Variants in NBPF9 observed in about 807,000 individuals in gnomAD.
NBPF9 encodes NBPF member 9.
NBPF9 carries 91 observed loss-of-function variants against 97.8 expected under a neutral mutation model. The observed-to-expected ratio is 0.93, with a 90% CI of 0.79 to 1.11. The LOEUF is 1.11. Among genes scored for constraint, NBPF9 ranks in the 50% least tolerant of loss-of-function variants. NBPF9 has a pLI of 0.00. For synonymous variants in NBPF9, 334 were observed against 359.5 expected (o/e 0.93, Z 0.80); for missense variants, 992 against 939.5 (o/e 1.06, Z -0.73).
At chr1:149,086,975 T>C (rs1260124830) in intron 5 of NBPF9, among the ~76,000 whole-genome samples, 1 of 152,096 alleles carries the variant, frequency 6.6e-6, no homozygotes, top group African/African-American at 2.4e-5. Flanking sequence ...AAAGGAGCCA[T>C]ACCATTTTTC....
downstream of NBPF9, chr1:149,053,895 C>CACACAGACACACAA (rs2078045246): frequency 6.8e-6 from 1 of 146,110 alleles, no homozygotes; most frequent in Non-Finnish European, 1.5e-5. Flanking sequence ...CACAGACACA[C>CACACAGACACACAA]ACACAGACAC....
exon 11 of NBPF9, chr1:149,077,403 C>T (rs1553654808): frequency 6.2e-7 from 1 of 1,609,856 alleles, no homozygotes; most frequent in South Asian, 1.1e-5. Flanking sequence ...TTGCTCTCTT[C>T]AGCCTTCTGC....
exon 16 of NBPF9, chr1:149,071,021 T>A (rs782470334): frequency 3.7e-6 from 6 of 1,611,796 alleles, no homozygotes; most frequent in African/African-American, 1.3e-5. Context: ...TCAAATGTGA[T>A]TTTGGTTTTC....
At position 149,060,705 on chromosome 1, in the gene NBPF9, G is replaced by A. The variant is rs1365781688; in HGVS notation, c.2304-10C>T. On this transcript the variant is annotated splice_polypyrimidine_tract_variant and intron_variant, in intron 23 of 29. Transcript: ENST00000584027. ...CAGCTCCCTGCTGAGCCTGGAAAAG[G>A]AGGAAAAAGTAAAGAATAAGCCAGG... 8.5e-6 allele frequency: 3 copies of A among 352,034 alleles called. 1 individual carries two copies. Among genetic ancestry groups the A allele is most frequent in the Non-Finnish European group, 1.5e-5 (3 of 200,824 alleles). The allele number at this position is 352,034 out of a possible 1,614,324, so 21.8% of individuals were successfully genotyped here. A position where few individuals can be genotyped will look rare whatever the true frequency, so the allele number is the denominator to read the frequency against.
intron 5 of NBPF9, among the ~76,000 whole-genome samples, chr1:149,089,843 G>A (rs2081300993): frequency 6.6e-6 from 1 of 152,282 alleles, no homozygotes; most frequent in Non-Finnish European, 1.5e-5. Context: ...TCAATTATGG[G>A]TTGAAGAGTA....
At chr1:149,086,455 C>T (rs2081010919) in intron 5 of NBPF9, among the ~76,000 whole-genome samples, 2 of 147,996 alleles carry the variant, frequency 1.4e-5, no homozygotes, top group South Asian at 4.4e-4. Flanking sequence ...AGAAACTCCC[C>T]AGGCCTCCAC....
chr1:149,099,361 T>A (rs2081996807), intron 3 of NBPF9, among the ~76,000 whole-genome samples: 1 of 152,264 alleles, frequency 6.6e-6, no homozygotes, highest in Non-Finnish European at 1.5e-5. Context: ...TCAGGTTGAC[T>A]GTGACTCTGC....
chr1:149,082,184 A>G lies in NBPF9; in HGVS notation c.-35-10T>C, dbSNP rs1553657005. On this transcript the variant is annotated splice_polypyrimidine_tract_variant and intron_variant, in intron 6 of 29. Transcript: ENST00000584027. ...GAGGTGGGGCCAGGGACTGGGGAGA[A>G]GAAACCCAAACATATGATGGGTTAA... The G allele has an allele frequency of 6.2e-7, 1 of 1,611,042 alleles. No homozygotes were observed. The highest frequency in any genetic ancestry group is 8.5e-7 in the Non-Finnish European group (1 of 1,179,062).
exon 7 of NBPF9, chr1:149,082,072 T>G (rs782764146): frequency 1.9e-5 from 30 of 1,610,482 alleles, no homozygotes; most frequent in East Asian, 1.3e-4. Context: ...GGGGCGCAAT[T>G]TCTCGTTGAT....
intron 27 of NBPF9, among the ~76,000 whole-genome samples, chr1:149,057,797 G>C (rs1553649295): frequency 1.1e-5 from 1 of 94,538 alleles, no homozygotes; most frequent in African/African-American, 4.0e-5. Context: ...GAATTGTCCA[G>C]GTGACACACT....
At chr1:149,080,336 A>C (rs1390329730) in intron 7 of NBPF9, among the ~76,000 whole-genome samples, 181 bp from the exon 8 acceptor site, 1 of 150,548 alleles carries the variant, frequency 6.6e-6, no homozygotes, top group Non-Finnish European at 1.5e-5. Context: ...TGATCCTCCA[A>C]AATTTAAAGA....
intron 12 of NBPF9, among the ~76,000 whole-genome samples, chr1:149,074,919 C>T (rs1441550214): frequency 6.6e-6 from 1 of 151,318 alleles, no homozygotes; most frequent in East Asian, 1.9e-4. Flanking sequence ...TCAAAGGATT[C>T]TCCTGCCTCA....
intron 18 of NBPF9, chr1:149,064,973 C>G: frequency 1.9e-6 from 1 of 535,360 alleles, no homozygotes; most frequent in Non-Finnish European, 3.3e-6. Context: ...AAAAGTCAGC[C>G]ATTTATCTAG....
rs1407306553 is a variant in NBPF9, at chr1:149,059,734, C to A, written c.2551G>T (p.Glu851Ter). ...GGTGGGTTTTGATTTTCTTCCCCTT[C>A]TTTTCTTCCCCTTCTTCTTTTCTTC... Residue 851 changes from glutamate (E) to a stop codon, truncating the protein, a stop_gained, in exon 25 of 30, where the codon GAA becomes TAA. Transcript: ENST00000584027. LOFTEE classifies it high-confidence loss of function. The A allele has an allele frequency of 4.9e-5, 29 of 587,478 alleles. 8 individuals are homozygous for A. The highest frequency in any genetic ancestry group is 8.0e-5 in the Non-Finnish European group (27 of 336,720). The allele number at this position is 587,478 out of a possible 1,614,324, so 36.4% of individuals were successfully genotyped here.
intron 27 of NBPF9, among the ~76,000 whole-genome samples, chr1:149,057,830 C>CT (rs2078324130): frequency 2.1e-5 from 2 of 94,580 alleles, no homozygotes; most frequent in Non-Finnish European, 4.4e-5. Context: ...ACAGGACACT[C>CT]TGAGTTAGTG....
At chr1:149,099,678 A>T (rs1455581727) in intron 3 of NBPF9, among the ~76,000 whole-genome samples, 1 of 152,194 alleles carries the variant, frequency 6.6e-6, no homozygotes, top group Admixed American at 6.5e-5. Context: ...AATTAGAAAA[A>T]CATAAAAATC....
At chr1:149,064,348 T>C (rs1553651100) in intron 19 of NBPF9, 83 bp downstream of exon 19, 2 of 790,200 alleles carry the variant, frequency 2.5e-6, no homozygotes, top group Non-Finnish European at 4.2e-6. Flanking sequence ...AAAATCATTA[T>C]TTTCAGCATG....
intron 19 of NBPF9, among the ~76,000 whole-genome samples, chr1:149,064,048 G>C (rs3916531): frequency 1.5e-5 from 2 of 131,970 alleles, no homozygotes; most frequent in Non-Finnish European, 3.2e-5. Flanking sequence ...AGAGCGAGCT[G>C]AGTGATTTGG....
chr1:149,057,700 GATAGAC>G (rs1559516840), intron 27 of NBPF9, among the ~76,000 whole-genome samples, 193 bp from the exon 28 acceptor site: 25 of 27,690 alleles, frequency 9.0e-4, no homozygotes, highest in African/African-American at 1.9e-3. Context: ...GAGAAAGACA[GATAGAC>G]ACACACACAC....
Sources: allele counts gnomAD v4.1 joint callset (sites outside exome capture counted in the v4.1 genomes callset), GRCh38; gene constraint gnomAD v4.1.1; transcripts MANE v1.5; gene names NCBI Gene and HGNC (gene_info 2026-07-23, HGNC 2026-07-21).